The following ROBO2 variants were observed in gnomAD, a reference collection of about 807,000 sequenced individuals.
ROBO2 encodes roundabout homolog 2.
In ROBO2, 53 loss-of-function variants were observed where a neutral mutation model predicts 160.8. The observed-to-expected ratio is 0.33, with a 90% CI of 0.26 to 0.41. ROBO2 has a LOEUF of 0.41. Among genes scored for constraint, ROBO2 ranks in the 10% least tolerant of loss-of-function variants. The pLI is 1.00. For missense variants in ROBO2, 1,577 were observed against 1,722.4 expected (o/e 0.92, Z 1.49); for synonymous variants, 664 against 611.7 (o/e 1.09, Z -1.26).
chr3:76,926,156 T>A (rs1279501183), intron 2 of ROBO2, among the ~76,000 whole-genome samples: 1 of 152,208 alleles, frequency 6.6e-6, no homozygotes, highest in Non-Finnish European at 1.5e-5. Context: ...GAAGCCTCAC[T>A]GTATCTAAAT....
At chr3:75,913,696 T>A (rs1310135326) in intron 1 of ROBO2, among the ~76,000 whole-genome samples, 1 of 152,228 alleles carries the variant, frequency 6.6e-6, no homozygotes, top group Non-Finnish European at 1.5e-5. Flanking sequence ...TACTTAGGTT[T>A]AAATTAACAT....
At position 75,994,315 on chromosome 3, in the gene ROBO2, C is replaced by CA. The variant is rs544128568; in HGVS notation, c.109+56720dup. Among the ~76,000 whole-genome samples, 550 of 152,182 alleles carry CA rather than the reference C, an allele frequency of 3.6e-3. 4 individuals carry two copies. The highest frequency in any genetic ancestry group is 0.014 in the Middle Eastern group (4 of 294). ...CCTGCAGACTTTTTCAACACTTAAA[C>CA]AAAAAAATTGATATGGTTTGGCTGT... is the stretch of plus-strand genomic sequence containing the variant. On this transcript the variant is annotated intron_variant, in intron 2 of 26. Coordinates refer to the ROBO2 transcript ENST00000487694.
At chr3:77,578,389 A>G (rs1204719699) in intron 15 of ROBO2, among the ~76,000 whole-genome samples, 1 of 152,078 alleles carries the variant, frequency 6.6e-6, no homozygotes, top group Non-Finnish European at 1.5e-5. Context: ...ATCATTTATT[A>G]ATAAATATTT....
chr3:77,462,003 G>A lies in ROBO2; in HGVS notation c.389-15411G>A, dbSNP rs147326100. On this transcript the variant is annotated intron_variant, in intron 2 of 25. Coordinates refer to ENST00000461745, the Ensembl canonical transcript of ROBO2. ...GGCCTCTCAAAGTGCTGGGATTACA[G>A]GCGTGAGCCACCACGCCTGGCCTGA... Among the ~76,000 whole-genome samples the A allele has an allele frequency of 7.6e-3, 1,161 of 152,228 alleles. 9 individuals are homozygous for A. Among genetic ancestry groups the A allele is most frequent in the Non-Finnish European group, 0.011 (779 of 68,012 alleles).
At chr3:77,321,671 G>A (rs1360067507) in intron 2 of ROBO2, among the ~76,000 whole-genome samples, 2 of 152,146 alleles carry the variant, frequency 1.3e-5, no homozygotes, top group South Asian at 2.1e-4. Context: ...GAACTTATTC[G>A]TTCACATTCA....
chr3:76,978,752 A>T (rs2059933191), intron 2 of ROBO2, among the ~76,000 whole-genome samples: 1 of 151,954 alleles, frequency 6.6e-6, no homozygotes, highest in Non-Finnish European at 1.5e-5. Context: ...ATATGGGTTC[A>T]CCCTGCTGCA....
chr3:75,940,429 ATTTTTTGTATCTGT>A (rs1017601389), intron 2 of ROBO2, among the ~76,000 whole-genome samples: 25 of 152,204 alleles, frequency 1.6e-4, no homozygotes, highest in Non-Finnish European at 2.8e-4. Context: ...ATCCTTGTCA[ATTTTTTGTATCTGT>A]GAAGAAAAGC....
chr3:77,397,052 C>T (rs997938558), intron 2 of ROBO2, among the ~76,000 whole-genome samples: 6 of 152,092 alleles, frequency 3.9e-5, no homozygotes, highest in African/African-American at 1.4e-4. Flanking sequence ...TTTCAGGAAA[C>T]TGTGTGAGTA....
exon 22 of ROBO2, chr3:77,617,717 G>C (rs2094811787): frequency 2.5e-6 from 4 of 1,613,852 alleles, no homozygotes; most frequent in Non-Finnish European, 2.5e-6. Context: ...CCATGCTGCA[G>C]GCTCACCTGG....
intron 2 of ROBO2, among the ~76,000 whole-genome samples, chr3:76,676,312 C>G (rs1239027179): frequency 6.6e-6 from 1 of 152,112 alleles, no homozygotes; most frequent in Non-Finnish European, 1.5e-5. Context: ...TCACTTTGCA[C>G]TTCTCCTTCC....
chr3:77,168,479 G>A (rs1344739207), intron 2 of ROBO2, among the ~76,000 whole-genome samples: 1 of 152,038 alleles, frequency 6.6e-6, no homozygotes, highest in Non-Finnish European at 1.5e-5. Flanking sequence ...TGAAATCTTG[G>A]TCTTCCTTTT....
chr3:77,340,487 A>G (rs2066946084), intron 2 of ROBO2, among the ~76,000 whole-genome samples: 1 of 152,118 alleles, frequency 6.6e-6, no homozygotes, highest in Non-Finnish European at 1.5e-5. Context: ...ATTTTAAAAT[A>G]AATATTCATT....
intron 5 of ROBO2, among the ~76,000 whole-genome samples, chr3:77,499,927 G>A (rs1432734479): frequency 2.6e-5 from 4 of 152,106 alleles, no homozygotes; most frequent in African/African-American, 9.7e-5. Context: ...GATTACAGGT[G>A]TGAGCCACCG....
chr3:77,379,237 C>T (rs1224145123), intron 2 of ROBO2, among the ~76,000 whole-genome samples: 2 of 152,162 alleles, frequency 1.3e-5, no homozygotes, highest in East Asian at 1.9e-4. Flanking sequence ...TGAGCCACAA[C>T]GCCCAGCAAC....
chr3:76,611,975 T>C (rs568540196), intron 2 of ROBO2, among the ~76,000 whole-genome samples: 1 of 152,338 alleles, frequency 6.6e-6, no homozygotes, highest in South Asian at 2.1e-4. Flanking sequence ...TTCACTTGCT[T>C]CAAAAAATTT....
At chr3:77,390,724 A>G (rs935200330) in intron 2 of ROBO2, among the ~76,000 whole-genome samples, 1 of 152,206 alleles carries the variant, frequency 6.6e-6, no homozygotes, top group Non-Finnish European at 1.5e-5. Flanking sequence ...ATTTTTAAAT[A>G]GCATGTGTGC....
intron 2 of ROBO2, among the ~76,000 whole-genome samples, chr3:77,108,226 A>G (rs1465632837): frequency 6.7e-6 from 1 of 148,336 alleles, no homozygotes; most frequent in South Asian, 2.1e-4. Context: ...GTATACACAT[A>G]TGCATATATA....
intron 2 of ROBO2, among the ~76,000 whole-genome samples, chr3:77,247,336 G>T (rs2089840297): frequency 6.6e-6 from 1 of 152,182 alleles, no homozygotes; most frequent in African/African-American, 2.4e-5. Flanking sequence ...GGAGAAATCA[G>T]CAGACTCTAT....
chr3:76,435,689 C>T (rs556426515), intron 2 of ROBO2, among the ~76,000 whole-genome samples: 1 of 152,172 alleles, frequency 6.6e-6, no homozygotes, highest in African/African-American at 2.4e-5. Context: ...ATGGAACTGC[C>T]GACTAGGACT....
Sources: allele counts gnomAD v4.1 joint callset (sites outside exome capture counted in the v4.1 genomes callset), GRCh38; gene constraint gnomAD v4.1.1; transcripts MANE v1.5; gene names NCBI Gene and HGNC (gene_info 2026-07-23, HGNC 2026-07-21).